Variants in MYH8 observed in about 807,000 individuals in gnomAD.
MYH8 encodes the protein myosin heavy chain 8.
In MYH8, 168 loss-of-function variants were observed where a neutral mutation model predicts 233.2. The ratio of observed to expected loss-of-function variants is 0.72; its 90% confidence interval spans 0.64 to 0.82. The LOEUF is 0.82. MYH8 is among the 40% of genes least tolerant of loss of function. The pLI is 0.00. For synonymous variants in MYH8, 785 were observed against 850.6 expected, an observed-to-expected ratio of 0.92 and a Z score of 1.34; for missense variants, 1,995 against 2,327.8, an observed-to-expected ratio of 0.86 and a Z score of 2.94.
In MYH8 at chr17:10,400,398, T is replaced by A; in HGVS notation, c.3727A>T (p.Lys1243Ter). ...DLSSNAEAIS[K>*]AKGNLEKMCR... Reference sequence around the variant, plus strand: ...GAGACAGTATTGGGTACCTTGGCTTTGGAAATGGCCTCTGCGTTACTGCTG... The same window carrying A: ...GAGACAGTATTGGGTACCTTGGCTTAGGAAATGGCCTCTGCGTTACTGCTG... Residue 1243 changes from lysine to a stop codon, truncating the protein, a stop_gained, in exon 27 of 40, where the codon AAA becomes TAA. Transcript: ENST00000403437. LOFTEE classifies it high-confidence loss of function. The surrounding 1 kb of genome is among the most constrained non-coding windows in gnomAD (Gnocchi z 4.0). 1 of 1,613,124 alleles carries A rather than the reference T, an allele frequency of 6.2e-7. No homozygotes were observed. Among genetic ancestry groups the A allele is most frequent in the East Asian group, 2.2e-5 (1 of 44,872 alleles).
At position 10,398,884 on chromosome 17, in the gene MYH8, C is replaced by A. The variant is rs2072105029; in HGVS notation, c.3865G>T (p.Glu1289Ter). Residue 1289 changes from glutamate to a stop codon, truncating the protein, a stop_gained and splice_region_variant, in exon 29 of 40, where the codon GAA becomes TAA. Transcript: ENST00000403437. LOFTEE classifies it high-confidence loss of function. Reference protein sequence around the residue: ...QRARLQTEAGEYSRQLDEKDA... With the variant: ...QRARLQTEAG Reference sequence around the variant, plus strand: ...TTCTCATCTAATTGTCGAGAATATTCACCTAGGAATAATAGACATAAGGGA... The same window carrying A: ...TTCTCATCTAATTGTCGAGAATATTAACCTAGGAATAATAGACATAAGGGA... 1 of 1,610,818 alleles carries A rather than the reference C, an allele frequency of 6.2e-7. No individual in the cohort carries two copies. The highest frequency in any genetic ancestry group is 2.2e-5 in the East Asian group (1 of 44,852).
At chr17:10,405,531 T>G (rs183217559) in intron 21 of MYH8, among the ~76,000 whole-genome samples, 11 of 152,284 alleles carry the variant, frequency 7.2e-5, no homozygotes, top group African/African-American at 2.6e-4. Context: ...GAAAAATGAA[T>G]GCACAGTGTG....
In MYH8 at chr17:10,411,167, G is replaced by C. The variant is rs9303258; in HGVS notation, c.1417-220C>G. Among the ~76,000 whole-genome samples, 68,865 of 151,800 alleles carry C rather than the reference G, an allele frequency of 0.45. 17,393 individuals are homozygous for C. The highest frequency in any genetic ancestry group is 0.58 in the Non-Finnish European group (39,622 of 67,902). On this transcript the variant is annotated intron_variant, in intron 14 of 39. Coordinates refer to ENST00000403437, the MANE Select transcript of MYH8 (RefSeq NM_002472.3). ...CGCGGTGGGTGGATCATGAGGTCAA[G>C]AGATTGAGACCATCCTGGCCAACAT...
chr17:10,410,677 A>G (rs2072236054), intron 15 of MYH8, 100 bp downstream of exon 15: 2 of 1,581,558 alleles, frequency 1.3e-6, no homozygotes, highest in Non-Finnish European at 1.7e-6. Context: ...GTTTGTTCAG[A>G]TCACAAACCA....
Position 10,400,941 on chromosome 17 carries a change from G to A in MYH8, c.3273C>T (p.Ser1091=), listed in dbSNP as rs1212207570. ...CATCTTCAATTTTGCTTATCAAATT[G>A]CTGATTTCAAATTCTTTCCTTTAGA... is the stretch of plus-strand genomic sequence containing the variant. The part of the protein sequence containing the change: ...EKLEKKEFEI[S]NLISKIEDEQ... Residue 1091 remains serine (S), a synonymous_variant, in exon 26 of 40, where the codon AGC becomes AGT. Coordinates refer to ENST00000403437, the MANE Select transcript of MYH8 (RefSeq NM_002472.3). This position sits in a 1 kb window ranked among gnomAD's most constrained non-coding sequence, Gnocchi z 4.0. 7 of 1,613,554 alleles carry A rather than the reference G, an allele frequency of 4.3e-6. No homozygotes were observed. Among genetic ancestry groups the A allele is most frequent in the Non-Finnish European group, 4.2e-6 (5 of 1,179,988 alleles).
At chr17:10,397,488 C>T (rs2072090904) in intron 30 of MYH8, among the ~76,000 whole-genome samples, 1 of 152,136 alleles carries the variant, frequency 6.6e-6, no homozygotes, top group South Asian at 2.1e-4. Flanking sequence ...TGGAAAGATC[C>T]AAAGTGGTGA....
chr17:10,399,458 A>T (rs1358890240), intron 28 of MYH8, 85 bp downstream of exon 28: 1 of 1,601,514 alleles, frequency 6.2e-7, no homozygotes. Flanking sequence ...TCTTTCTCTA[A>T]AGTGGGAATA....
chr17:10,407,519 G>C (rs71358301), intron 17 of MYH8, among the ~76,000 whole-genome samples: 6,881 of 152,040 alleles, frequency 0.045, 203 homozygotes, highest in South Asian at 0.12. Flanking sequence ...TTACCCTCTT[G>C]TTTTCTTTTG....
intron 17 of MYH8, 39 bp from the exon 18 acceptor site, chr17:10,407,018 T>C (rs779532761): frequency 1.4e-5 from 21 of 1,526,200 alleles, no homozygotes; most frequent in Non-Finnish European, 1.7e-5. Context: ...GAAAAAGTTC[T>C]ATTTCAGGTT....
In MYH8 at chr17:10,396,791, A is replaced by G; in HGVS notation, c.4362+12T>C. On this transcript the variant is annotated intron_variant, in intron 31 of 39. Transcript: ENST00000403437. This position sits in a 1 kb window ranked among gnomAD's most constrained non-coding sequence, Gnocchi z 4.2. ...AGTAAAACACTCTTAAAGTTTAAGCAGTCTGGGCCACCTTGTCAAAGTTCC... is the reference window on the plus strand; with the variant it reads ...AGTAAAACACTCTTAAAGTTTAAGCGGTCTGGGCCACCTTGTCAAAGTTCC... The G allele has an allele frequency of 6.2e-7, 1 of 1,614,230 alleles. No homozygotes were observed. Among genetic ancestry groups the G allele is most frequent in the Non-Finnish European group, 8.5e-7 (1 of 1,180,028 alleles).
chr17:10,392,024 G>T (rs768460789), intron 38 of MYH8, 47 bp from the exon 39 acceptor site: 18 of 1,480,082 alleles, frequency 1.2e-5, no homozygotes, highest in South Asian at 1.1e-4. Context: ...AAGAGATAAG[G>T]CTACTCTGGG....
At chr17:10,393,513 T>C (rs1168867250) in intron 35 of MYH8, among the ~76,000 whole-genome samples, 1 of 152,192 alleles carries the variant, frequency 6.6e-6, no homozygotes, top group Admixed American at 6.5e-5. Context: ...ATTCTATCTC[T>C]GGAAGGTTGG....
At chr17:10,412,096 A>G (rs940541883) in intron 14 of MYH8, among the ~76,000 whole-genome samples, 2 of 152,104 alleles carry the variant, frequency 1.3e-5, no homozygotes, top group Admixed American at 6.6e-5. Context: ...AGTTTCTTCT[A>G]TATAAGTTGG....
intron 15 of MYH8, 119 bp downstream of exon 15, chr17:10,410,658 A>G: frequency 6.7e-7 from 1 of 1,496,070 alleles, no homozygotes. Flanking sequence ...TCTAAATAGT[A>G]ATTTTCCAGT....
chr17:10,396,998 G>C lies in MYH8; in HGVS notation c.4179-12C>G. On this transcript the variant is annotated splice_polypyrimidine_tract_variant and intron_variant, in intron 30 of 39. Coordinates refer to ENST00000403437, the MANE Select transcript of MYH8 (RefSeq NM_002472.3). The surrounding 1 kb of genome is among the most constrained non-coding windows in gnomAD (Gnocchi z 4.2). The stretch of plus-strand genomic sequence containing the variant: ...GGGCCAACTTTTTCCTGAAAAGTTA[G>C]CCAGGCAGTCAGGAGAATGGCCAAG... The C allele has an allele frequency of 6.2e-7, 1 of 1,614,126 alleles. No homozygotes were observed. Among genetic ancestry groups the C allele is most frequent in the Non-Finnish European group, 8.5e-7 (1 of 1,179,996 alleles).
At chr17:10,414,325 T>C (rs2142188156) in intron 10 of MYH8, 30 bp from the exon 11 acceptor site, 1 of 1,605,948 alleles carries the variant, frequency 6.2e-7, no homozygotes, top group Non-Finnish European at 8.5e-7. Context: ...GCATACATTT[T>C]ACATTAGACA....
In MYH8 at chr17:10,415,520, T is replaced by C. The variant is rs2072282470; in HGVS notation, c.600A>G (p.Thr200=). 2 of 1,614,120 alleles carry C rather than the reference T, an allele frequency of 1.2e-6. No individual in the cohort carries two copies. Among genetic ancestry groups the C allele is most frequent in the Non-Finnish European group, 8.5e-7 (1 of 1,180,044 alleles). ...TCTTCTTCTCTCCAGTAACTGCAAT[T>C]GTTGCAAAGTATTGGATGACACGCT... The part of the protein sequence containing the change: ...NTKRVIQYFA[T]IAVTGEKKKD... Residue 200 remains threonine, a synonymous_variant, in exon 7 of 40, where the codon ACA becomes ACG. Transcript: ENST00000403437. The surrounding 1 kb of genome is among the most constrained non-coding windows in gnomAD (Gnocchi z 4.1).
At chr17:10,404,686 A>G (rs974471742) in intron 21 of MYH8, 101 bp from the exon 22 acceptor site, 2 of 1,363,494 alleles carry the variant, frequency 1.5e-6, no homozygotes, top group Non-Finnish European at 1.0e-6. Flanking sequence ...GCCGCTCACA[A>G]ATAAATATGT....
intron 29 of MYH8, 21 bp from the exon 30 acceptor site, chr17:10,398,661 T>A (rs1196582093): frequency 6.2e-7 from 1 of 1,614,030 alleles, no homozygotes; most frequent in African/African-American, 1.3e-5. Context: ...AGCAGTTCAG[T>A]GACATAAATT....
Sources: gnomAD v4.1 joint callset for allele counts (sites outside exome capture counted in the v4.1 genomes callset) on GRCh38, gnomAD v4.1.1 for gene constraint, Gnocchi (gnomAD v3.1) non-coding constraint, MANE v1.5 for transcripts, NCBI Gene and HGNC (gene_info 2026-07-23, HGNC 2026-07-21) for gene names.